CCDC38: variants seen among roughly 807,000 people sequenced by gnomAD.
The protein encoded by CCDC38 is coiled-coil domain-containing protein 38.
CCDC38 carries 69 observed loss-of-function variants against 72.8 expected under a neutral mutation model. The ratio of observed to expected loss-of-function variants is 0.95; its 90% CI spans 0.78 to 1.16. The LOEUF (loss-of-function observed/expected upper bound fraction) is 1.16, where lower values mean the gene tolerates loss of function less well. CCDC38 is among the 50% of genes most tolerant of loss of function. The pLI is 0.00. For missense variants in CCDC38, 626 were observed against 638.9 expected, an observed-to-expected ratio of 0.98 and a Z score of 0.22; for synonymous variants, 201 against 213.2, an observed-to-expected ratio of 0.94 and a Z score of 0.50.
chr12:95,934,602 C>G (rs2080371815), intron 2 of CCDC38: 1 of 151,908 alleles, frequency 6.6e-6, no homozygotes, highest in African/African-American at 2.4e-5. Context: ...AAGGCATCAT[C>G]CAATCCATAC....
rs1211817599 is a variant in CCDC38, at chr12:95,879,035, G to T, written c.1142+609C>A. On this transcript the variant is annotated intron_variant, in intron 12 of 15. Transcript: ENST00000344280. This position sits in a 1 kb window ranked among gnomAD's most constrained non-coding sequence, Gnocchi z 5.5. ...CTGAGAAAAGGTTCTACACATTTTT[G>T]CAATGAGTAGATACAAAGATTTATT... Among the ~76,000 whole-genome samples the T allele has an allele frequency of 6.6e-6, 1 of 152,064 alleles. No individual in the cohort carries two copies. The highest frequency in any genetic ancestry group is 2.4e-5 in the African/African-American group (1 of 41,392).
At chr12:95,919,279 GAA>G (rs2080178023) in intron 2 of CCDC38, among the ~76,000 whole-genome samples, 1 of 152,240 alleles carries the variant, frequency 6.6e-6, no homozygotes, top group African/African-American at 2.4e-5. Flanking sequence ...GTGAGGTACA[GAA>G]ACAGCTGGAT....
At chr12:95,915,775 T>C (rs769980060) in intron 4 of CCDC38, among the ~76,000 whole-genome samples, 12 of 152,232 alleles carry the variant, frequency 7.9e-5, no homozygotes, top group Non-Finnish European at 1.5e-4. Context: ...TTTCCATTGC[T>C]GACAGAGCCC....
In CCDC38 at chr12:95,917,195, T is replaced by C; in HGVS notation, c.238A>G (p.Lys80Glu). Reference protein sequence around the residue: ...SYLSQLAFYPKRSGRSFEKFG... With the variant: ...SYLSQLAFYPERSGRSFEKFG... ...TTTTCAAATGACCTACCACTCCTTT[T>C]AGGGTAGAAAGCTAGTTGGCTCAGG... Residue 80 changes from lysine to glutamate, a missense_variant, in exon 4 of 16, where the codon AAA becomes GAA. Lys to Glu is a moderately conservative substitution (Grantham distance 56). Coordinates refer to ENST00000344280, the MANE Select transcript of CCDC38 (RefSeq NM_182496.3). 6.2e-7 allele frequency: 1 copy of C among 1,609,360 alleles called. No homozygotes were observed.
chr12:95,881,869 T>G (rs915006128), intron 10 of CCDC38, among the ~76,000 whole-genome samples: 7 of 152,364 alleles, frequency 4.6e-5, no homozygotes, highest in African/African-American at 1.4e-4. Context: ...AAGAAACACA[T>G]GACAGCCTAT....
chr12:95,900,737 A>C (rs896748636), intron 5 of CCDC38, among the ~76,000 whole-genome samples: 3 of 152,248 alleles, frequency 2.0e-5, no homozygotes, highest in Admixed American at 2.0e-4. Flanking sequence ...GTGGCTTAAC[A>C]GGTGGTCTGT....
At chr12:95,925,629 G>C (rs2080261523) in intron 2 of CCDC38, among the ~76,000 whole-genome samples, 1 of 152,170 alleles carries the variant, frequency 6.6e-6, no homozygotes, top group Admixed American at 6.5e-5. Flanking sequence ...AGTTTTCAAA[G>C]GGAATGCTTC....
chr12:95,906,319 G>T, intron 5 of CCDC38, 68 bp downstream of exon 5: 1 of 1,147,154 alleles, frequency 8.7e-7, no homozygotes, highest in Non-Finnish European at 1.3e-6. Flanking sequence ...AAATGTCAAG[G>T]TAAATATTTG....
chr12:95,925,735 G>C (rs964417483), intron 2 of CCDC38, among the ~76,000 whole-genome samples: 1 of 152,022 alleles, frequency 6.6e-6, no homozygotes, highest in African/African-American at 2.4e-5. Flanking sequence ...AATTTATTGA[G>C]AGTTTTTAGC....
intron 2 of CCDC38, chr12:95,919,515 GTT>G (rs2080180893): frequency 2.2e-6 from 1 of 456,034 alleles, no homozygotes. Context: ...CTCAGGCCAT[GTT>G]TAGTTTGCTT....
chr12:95,870,341 T>C (rs576646207), intron 14 of CCDC38, among the ~76,000 whole-genome samples: 5 of 152,328 alleles, frequency 3.3e-5, no homozygotes, highest in African/African-American at 1.2e-4. Context: ...TTAAGTAATC[T>C]GTGCAACTTA....
chr12:95,873,853 C>T (rs1411842720), intron 13 of CCDC38, among the ~76,000 whole-genome samples: 1 of 152,222 alleles, frequency 6.6e-6, no homozygotes, highest in African/African-American at 2.4e-5. Context: ...CAGCTTTTCT[C>T]TTCCACCTCC....
intron 8 of CCDC38, among the ~76,000 whole-genome samples, chr12:95,891,934 A>G (rs1403127064): frequency 4.6e-5 from 7 of 152,060 alleles, no homozygotes; most frequent in Non-Finnish European, 1.0e-4. Context: ...AAATGCTCCT[A>G]TCCTGGAGTA....
At chr12:95,868,799 C>G (rs955296875) in intron 15 of CCDC38, among the ~76,000 whole-genome samples, 9 of 152,190 alleles carry the variant, frequency 5.9e-5, no homozygotes, top group African/African-American at 2.2e-4. Flanking sequence ...TAATCCCAAA[C>G]TTCTGATTGG....
intron 10 of CCDC38, among the ~76,000 whole-genome samples, chr12:95,882,313 C>A (rs1477375061): frequency 6.6e-6 from 1 of 152,000 alleles, no homozygotes; most frequent in Non-Finnish European, 1.5e-5. Context: ...AGAATGAAAT[C>A]ATGGGAACCA....
intron 1 of CCDC38, among the ~76,000 whole-genome samples, chr12:95,936,768 C>A (rs1407136058): frequency 6.6e-6 from 1 of 152,118 alleles, no homozygotes; most frequent in Non-Finnish European, 1.5e-5. Flanking sequence ...CAGAGTTGAC[C>A]AAATAACTAT....
At chr12:95,910,829 A>G (rs1011238660) in intron 4 of CCDC38, among the ~76,000 whole-genome samples, 1 of 152,238 alleles carries the variant, frequency 6.6e-6, no homozygotes, top group African/African-American at 2.4e-5. Context: ...ATGCTACTGC[A>G]CTTCAGCCTG....
At position 95,920,915 on chromosome 12, in the gene CCDC38, G is replaced by C. The variant is rs556684662; in HGVS notation, c.38-1939C>G. On this transcript the variant is annotated intron_variant, in intron 2 of 15. Coordinates refer to ENST00000344280, the MANE Select transcript of CCDC38 (RefSeq NM_182496.3). The stretch of plus-strand genomic sequence containing the variant: ...AGGCCGAGGTGGGTGGATAACCTGA[G>C]GTCGGGAGTTCGAGACCAGCGTGAC... Among the ~76,000 whole-genome samples, 94 of 152,208 alleles carry C rather than the reference G, an allele frequency of 6.2e-4. 1 individual carries two copies. The highest frequency in any genetic ancestry group is 1.8e-3 in the Admixed American group (27 of 15,282).
intron 5 of CCDC38, among the ~76,000 whole-genome samples, chr12:95,904,353 T>G (rs894590949): frequency 6.6e-6 from 1 of 152,250 alleles, no homozygotes; most frequent in African/African-American, 2.4e-5. Flanking sequence ...CTGCTCTCAC[T>G]TCTGACACTG....
Sources: allele counts gnomAD v4.1 joint callset (sites outside exome capture counted in the v4.1 genomes callset), GRCh38; gene constraint gnomAD v4.1.1; non-coding constraint Gnocchi (gnomAD v3.1); transcripts MANE v1.5; gene names NCBI Gene and HGNC (gene_info 2026-07-23, HGNC 2026-07-21).